LRRC61: variants seen among roughly 807,000 people sequenced by gnomAD.
LRRC61 encodes leucine-rich repeat-containing protein 61.
Under a neutral mutation model 15.1 loss-of-function variants are expected in LRRC61, and 9 were observed. The ratio of observed to expected loss-of-function variants is 0.60; its 90% CI spans 0.36 to 1.04. The LOEUF (loss-of-function observed/expected upper bound fraction) is 1.04. Ranked by LOEUF, LRRC61 falls within the 50% of genes least tolerant of loss-of-function variation. The pLI is 0.01. For missense variants in LRRC61, 344 were observed against 335.6 expected (o/e 1.03, Z -0.20); for synonymous variants, 173 against 158.6 (o/e 1.09, Z -0.68).
chr7:150,337,028 A>G lies in LRRC61; in HGVS notation c.167A>G (p.Glu56Gly). ...TGCCTGGGAGAGTGCCTGGGCCTGG[A>G]GTGGCTGGACCTATCAGGCAACGCG... ...LGCLGECLGL[E>G]WLDLSGNALT... The change falls in exon 3 of 3, where the codon GAG (glutamate) becomes GGG (glycine). Residue 56 changes from glutamate to glycine, a missense_variant. Glu to Gly is a moderately conservative substitution (Grantham distance 98, BLOSUM62 -2). Transcript: ENST00000359623. The G allele has an allele frequency of 6.2e-7, 1 of 1,613,680 alleles. No homozygotes were observed. The highest frequency in any genetic ancestry group is 8.5e-7 in the Non-Finnish European group (1 of 1,180,016).
At chr7:150,331,750 C>T (rs1469620894) in intron 2 of LRRC61, 1 of 167,164 alleles carries the variant, frequency 6.0e-6, no homozygotes, top group African/African-American at 2.4e-5. Flanking sequence ...CATGTGCTGG[C>T]AGGTGGGATA....
intron 1 of LRRC61, 66 bp downstream of exon 1, chr7:150,323,626 G>T (rs543153912): frequency 9.9e-5 from 45 of 454,354 alleles, no homozygotes; most frequent in African/African-American, 7.6e-4. Context: ...TGCCGGCCCC[G>T]GGGGGCCACC....
chr7:150,333,524 G>A lies in LRRC61; in HGVS notation c.-144-3194G>A, dbSNP rs946241891. Among the ~76,000 whole-genome samples the A allele has an allele frequency of 1.3e-5, 2 of 152,166 alleles. No individual in the cohort carries two copies. Among genetic ancestry groups the A allele is most frequent in the South Asian group, 2.1e-4 (1 of 4,826 alleles). On this transcript the variant is annotated intron_variant, in intron 2 of 2. Coordinates refer to ENST00000359623, the MANE Select transcript of LRRC61 (RefSeq NM_001142928.2). The surrounding 1 kb of genome is among the most constrained non-coding windows in gnomAD (Gnocchi z 4.3). ...ACCCGAGGCTGCTCTGGGTTGAAGC[G>A]TTCCTCCCCCTAGACTTAGCTCTGC...
the LRRC61 span, among the ~76,000 whole-genome samples, chr7:150,313,231 C>A: frequency 6.6e-6 from 1 of 152,192 alleles, no homozygotes; most frequent in Non-Finnish European, 1.5e-5. Flanking sequence ...GAATAAATAG[C>A]CTTACTGCTC....
chr7:150,323,451 C>G lies in LRRC61; in HGVS notation c.-424C>G. On this transcript the variant is annotated 5_prime_UTR_variant, in exon 1 of 3. Coordinates refer to ENST00000359623, the MANE Select transcript of LRRC61 (RefSeq NM_001142928.2). The stretch of plus-strand genomic sequence containing the variant: ...TCAGGGGCCGCCAGGCGGCGGGCGG[C>G]GGGGCTGCGGCTCTTACCTGCCGAG... The G allele has an allele frequency of 1.1e-5, 4 of 356,092 alleles. No homozygotes were observed. The highest frequency in any genetic ancestry group is 6.0e-5 in the South Asian group (3 of 50,282). 22.1% of individuals were successfully genotyped at this position (356,092 alleles called of 1,614,324 possible). A position where few individuals can be genotyped will look rare whatever the true frequency, so the allele number is the denominator to read the frequency against.
intron 2 of LRRC61, among the ~76,000 whole-genome samples, chr7:150,327,762 G>A (rs1388318860): frequency 6.7e-6 from 1 of 150,168 alleles, no homozygotes; most frequent in African/African-American, 2.5e-5. Context: ...TGAGGCTGCA[G>A]TGAGCCAAGA....
At chr7:150,329,261 A>T (rs1798032864) in intron 2 of LRRC61, among the ~76,000 whole-genome samples, 1 of 152,214 alleles carries the variant, frequency 6.6e-6, no homozygotes, top group African/African-American at 2.4e-5. Context: ...AGTACCTGAG[A>T]AGAGTAAAGA....
At chr7:150,331,412 G>A (rs1003557659) in intron 2 of LRRC61, 9 of 329,492 alleles carry the variant, frequency 2.7e-5, no homozygotes, top group Non-Finnish European at 4.6e-5. Context: ...CATCCTGGGC[G>A]CCACATGCTC....
chr7:150,337,714 C>G lies in LRRC61; in HGVS notation c.*73C>G. On this transcript the variant is annotated 3_prime_UTR_variant, in exon 3 of 3. Coordinates refer to ENST00000359623, the MANE Select transcript of LRRC61 (RefSeq NM_001142928.2). ...CAGTTCCCCTCTCTGCCCCCACACT[C>G]GTCTTAGTTGCTTCACACTGGTCAC... The G allele has an allele frequency of 6.9e-7, 1 of 1,441,596 alleles. No homozygotes were observed. The highest frequency in any genetic ancestry group is 9.3e-7 in the Non-Finnish European group (1 of 1,078,620). The allele number at this position is 1,441,596 out of a possible 1,614,324, so 89.3% of individuals were successfully genotyped here. A position where few individuals can be genotyped will look rare whatever the true frequency, so the allele number is the denominator to read the frequency against.
intron 2 of LRRC61, among the ~76,000 whole-genome samples, chr7:150,326,741 G>A (rs1262624620): frequency 6.6e-6 from 1 of 151,974 alleles, no homozygotes; most frequent in Non-Finnish European, 1.5e-5. Flanking sequence ...GGCCTCTGGA[G>A]GCCTGGATGT....
intron 2 of LRRC61, among the ~76,000 whole-genome samples, chr7:150,328,394 A>C (rs190785338): frequency 8.5e-5 from 13 of 152,326 alleles, no homozygotes; most frequent in East Asian, 3.9e-4. Flanking sequence ...ATAAAACCCC[A>C]AAAAAACATG....
At chr7:150,314,317 A>G in the LRRC61 span, among the ~76,000 whole-genome samples, 1 of 152,240 alleles carries the variant, frequency 6.6e-6, no homozygotes, top group East Asian at 1.9e-4. Context: ...TTCTTGAACT[A>G]TTTAATACAC....
the LRRC61 span, among the ~76,000 whole-genome samples, chr7:150,311,232 C>T: frequency 3.9e-5 from 6 of 152,236 alleles, no homozygotes; most frequent in East Asian, 5.8e-4. Context: ...CTCATCTCAA[C>T]CTTTTTCCGT....
Position 150,337,230 on chromosome 7 carries a change from C to T in LRRC61, c.369C>T (p.Cys123=). 6.2e-7 allele frequency: 1 copy of T among 1,604,602 alleles called. No individual in the cohort carries two copies. The highest frequency in any genetic ancestry group is 1.1e-5 in the South Asian group (1 of 91,084). Residue 123 remains cysteine, a synonymous_variant, in exon 3 of 3, where the codon TGC becomes TGT. Transcript: ENST00000359623. Reference sequence around the variant, plus strand: ...TGCAGTGTCTGGCTGGGCTACCGTGCCTGGAGTACCTGCGGCTCCGAGACC... The same window carrying T: ...TGCAGTGTCTGGCTGGGCTACCGTGTCTGGAGTACCTGCGGCTCCGAGACC... ...GQLQCLAGLP[C]LEYLRLRDPL... is the part of the protein sequence containing the mutation.
Position 150,337,541 on chromosome 7 carries a change from T to G in LRRC61, c.680T>G (p.Leu227Arg). 2 of 1,603,836 alleles carry G rather than the reference T, an allele frequency of 1.2e-6. No individual in the cohort carries two copies. Among genetic ancestry groups the G allele is most frequent in the Non-Finnish European group, 1.7e-6 (2 of 1,177,260 alleles). Reference sequence around the variant, plus strand: ...GCCTGCCGGCAGTTCCAGGACACACTGCAGGAGTGCTGGGACCTGGACCGC... The same window carrying G: ...GCCTGCCGGCAGTTCCAGGACACACGGCAGGAGTGCTGGGACCTGGACCGC... ...EEACRQFQDT[L>R]QECWDLDRQA... Residue 227 changes from leucine (L) to arginine (R), a missense_variant, in exon 3 of 3, where the codon CTG (leucine) becomes CGG (arginine). Leu to Arg is a moderately radical substitution (Grantham distance 102). Coordinates refer to ENST00000359623, the MANE Select transcript of LRRC61 (RefSeq NM_001142928.2).
chr7:150,322,220 G>A (rs993318077), upstream of LRRC61, among the ~76,000 whole-genome samples: 2 of 152,218 alleles, frequency 1.3e-5, no homozygotes, highest in Admixed American at 1.3e-4. Context: ...AGTGTCAGAG[G>A]TGTTTAAGCC....
chr7:150,326,149 G>A (rs1797958631), intron 2 of LRRC61, 139 bp downstream of exon 2: 1 of 152,208 alleles, frequency 6.6e-6, no homozygotes, highest in Non-Finnish European at 1.5e-5. Flanking sequence ...GTCTAATGAT[G>A]AGCCCATTTC....
At chr7:150,311,738 G>T in the LRRC61 span, among the ~76,000 whole-genome samples, 1 of 152,116 alleles carries the variant, frequency 6.6e-6, no homozygotes, top group African/African-American at 2.4e-5. Context: ...GCCAAATCTC[G>T]CCAGCTAAAG....
chr7:150,330,892 C>T lies in LRRC61; in HGVS notation c.-145+4882C>T, dbSNP rs1373993370. The stretch of plus-strand genomic sequence containing the variant: ...AGCCACTCTGGGGCCTTCCTGCTGG[C>T]CCAGAGGGAGAAGGGCTTGCTGGAG... On this transcript the variant is annotated intron_variant, in intron 2 of 2. Transcript: ENST00000359623. This position sits in a 1 kb window ranked among gnomAD's most constrained non-coding sequence, Gnocchi z 4.6. The T allele has an allele frequency of 6.8e-6, 11 of 1,611,744 alleles. No individual in the cohort carries two copies. The Admixed American group carries it at 1.8e-4, about 27-fold the overall frequency.
Sources: allele counts gnomAD v4.1 joint callset (sites outside exome capture counted in the v4.1 genomes callset), GRCh38; gene constraint gnomAD v4.1.1; non-coding constraint Gnocchi (gnomAD v3.1); transcripts MANE v1.5; gene names NCBI Gene and HGNC (gene_info 2026-07-23, HGNC 2026-07-21).